DNMBP: variants seen among roughly 807,000 people sequenced by gnomAD.
DNMBP encodes the protein dynamin binding protein.
Under a neutral mutation model 150.0 loss-of-function variants are expected in DNMBP, and 87 were observed. The ratio of observed to expected loss-of-function variants is 0.58; its 90% CI spans 0.49 to 0.69. The LOEUF is 0.69. Among genes scored for constraint, DNMBP ranks in the 30% least tolerant of loss-of-function variants. The probability of loss-of-function intolerance (pLI) is 0.00; values close to 1 mark genes in which losing one functional copy is unlikely to be tolerated. For missense variants in DNMBP, 1,774 were observed against 1,949.0 expected (o/e 0.91, Z 1.69); for synonymous variants, 711 against 750.4 (o/e 0.95, Z 0.86).
chr10:99,882,431 AAAATT>A (rs1398385689), intron 15 of DNMBP, among the ~76,000 whole-genome samples: 1 of 152,194 alleles, frequency 6.6e-6, no homozygotes, highest in Non-Finnish European at 1.5e-5. Flanking sequence ...CTACTAAAAT[AAAATT>A]AACTGGGCAT....
chr10:99,929,381 G>A, intron 4 of DNMBP, among the ~76,000 whole-genome samples: 1 of 152,124 alleles, frequency 6.6e-6, no homozygotes, highest in East Asian at 1.9e-4. Context: ...GTTCCCATGA[G>A]AGCGCTATCC....
intron 4 of DNMBP, among the ~76,000 whole-genome samples, chr10:99,944,447 T>C (rs2040335823): frequency 6.6e-6 from 1 of 152,204 alleles, no homozygotes. Flanking sequence ...AACCTGAAAG[T>C]CTGAGAACTA....
At chr10:99,954,613 G>A (rs886449034) in intron 4 of DNMBP, among the ~76,000 whole-genome samples, 4 of 151,818 alleles carry the variant, frequency 2.6e-5, no homozygotes, top group Middle Eastern at 3.4e-3. Context: ...GCATGGTGGC[G>A]CTTGCCTGTA....
intron 1 of DNMBP, among the ~76,000 whole-genome samples, chr10:100,006,564 T>A (rs562284888): frequency 9.2e-5 from 14 of 152,180 alleles, no homozygotes; most frequent in African/African-American, 2.9e-4. Flanking sequence ...CATCATCAAC[T>A]TCACTGTTCA....
intron 4 of DNMBP, among the ~76,000 whole-genome samples, chr10:99,920,725 C>T (rs1028702380): frequency 3.9e-5 from 6 of 152,102 alleles, no homozygotes; most frequent in African/African-American, 1.2e-4. Flanking sequence ...GACAGAGTCT[C>T]GCTGTTGCCC....
At chr10:99,913,806 C>A (rs1371610507) in intron 4 of DNMBP, 4 of 782,632 alleles carry the variant, frequency 5.1e-6, no homozygotes, top group South Asian at 5.6e-5. Flanking sequence ...CAGAGCCATG[C>A]GCCCTTCCCT....
rs147752816 is a variant in DNMBP at position 99,879,974 on chromosome 10, G to A, written c.4385C>T (p.Thr1462Met). ...CCTGAAGTTCCGGTAGCTCCTCGGCGTGGCAGTGGGTTGCTTTACATCTCT... is the reference window on the plus strand; with the variant it reads ...CCTGAAGTTCCGGTAGCTCCTCGGCATGGCAGTGGGTTGCTTTACATCTCT... Reference protein sequence around the residue: ...VARDVKQPTATPRSYRNFRHP... With the variant: ...VARDVKQPTAMPRSYRNFRHP... The change falls in exon 16 of 17, where the codon ACG becomes ATG. Residue 1462 changes from threonine to methionine, a missense_variant. Thr to Met is a moderately conservative substitution (Grantham distance 81). Coordinates refer to ENST00000324109, the MANE Select transcript of DNMBP (RefSeq NM_015221.4). The A allele has an allele frequency of 1.8e-3, 2,941 of 1,614,202 alleles. 9 individuals carry two copies. Among genetic ancestry groups the A allele is most frequent in the Non-Finnish European group, 2.3e-3 (2,701 of 1,180,046 alleles).
intron 16 of DNMBP, among the ~76,000 whole-genome samples, chr10:99,879,179 CTG>C (rs1194218496): frequency 2.0e-5 from 3 of 149,166 alleles, no homozygotes; most frequent in Admixed American, 6.7e-5. Flanking sequence ...ATAGGAAAAA[CTG>C]GGGCTGGGCA....
chr10:99,921,498 C>G (rs1030803889), intron 4 of DNMBP, among the ~76,000 whole-genome samples: 1 of 152,112 alleles, frequency 6.6e-6, no homozygotes, highest in Non-Finnish European at 1.5e-5. Context: ...ACTGGACTGA[C>G]CTGTGTACTC....
intron 4 of DNMBP, among the ~76,000 whole-genome samples, chr10:99,949,259 A>G (rs2040394053): frequency 6.6e-6 from 1 of 152,206 alleles, no homozygotes; most frequent in African/African-American, 2.4e-5. Flanking sequence ...CTATGTATAG[A>G]ACATCATACC....
intron 15 of DNMBP, 92 bp downstream of exon 15, chr10:99,883,919 C>T (rs78615379): frequency 0.088 from 107,225 of 1,219,650 alleles, 6,826 homozygotes; most frequent in African/African-American, 0.31. Context: ...ATACTTTTTG[C>T]TTTTTTTTCC....
chr10:99,986,652 T>C (rs1273734551), intron 1 of DNMBP, among the ~76,000 whole-genome samples: 1 of 100,416 alleles, frequency 1.0e-5, no homozygotes, highest in African/African-American at 3.8e-5. Context: ...ATATGCAGGA[T>C]AATATTTAAT....
rs112624214 is a variant in DNMBP at position 99,994,046 on chromosome 10, G to C, written c.-11+15792C>G. Among the ~76,000 whole-genome samples, 281 of 152,256 alleles carry C rather than the reference G, an allele frequency of 1.8e-3. 1 individual carries two copies. Among genetic ancestry groups the C allele is most frequent in the African/African-American group, 5.8e-3 (239 of 41,544 alleles). ...TGTTTGATTAAGTGAACTTTCACTG[G>C]GTGGATGATGCTACATAAAAGAGCA... On this transcript the variant is annotated intron_variant, in intron 1 of 16. Transcript: ENST00000324109.
intron 1 of DNMBP, among the ~76,000 whole-genome samples, chr10:99,979,563 C>T (rs928197299): frequency 4.6e-5 from 7 of 152,108 alleles, no homozygotes; most frequent in Non-Finnish European, 8.8e-5. Context: ...GTTTAGTCCC[C>T]ACCAATTCCC....
At chr10:99,957,390 CAG>C (rs1564746192) in intron 3 of DNMBP, 185 bp from the exon 4 acceptor site, 4 of 629,048 alleles carry the variant, frequency 6.4e-6, no homozygotes, top group Non-Finnish European at 1.1e-5. Flanking sequence ...CTGTAGTTTT[CAG>C]AGTGTTCCAT....
intron 1 of DNMBP, among the ~76,000 whole-genome samples, chr10:99,982,094 C>A (rs1162849916): frequency 6.6e-6 from 1 of 152,098 alleles, no homozygotes; most frequent in Non-Finnish European, 1.5e-5. Context: ...TTCTGCTGGG[C>A]CCCTGAGTGA....
chr10:99,896,148 C>G, intron 10 of DNMBP, 119 bp downstream of exon 10: 3 of 1,199,010 alleles, frequency 2.5e-6, no homozygotes, highest in Admixed American at 2.4e-5. Context: ...TCCACCAGCT[C>G]GTAAAACCGG....
chr10:99,877,417 C>G (rs922127043), intron 16 of DNMBP, 81 bp from the exon 17 acceptor site: 1 of 1,121,198 alleles, frequency 8.9e-7, no homozygotes, highest in African/African-American at 1.6e-5. Flanking sequence ...GGGGAGGGTT[C>G]CACATCCACA....
At chr10:99,991,905 C>CA (rs71009797) in intron 1 of DNMBP, among the ~76,000 whole-genome samples, 6,079 of 104,974 alleles carry the variant, frequency 0.058, 146 homozygotes, top group South Asian at 0.11. Flanking sequence ...GACTCCACCT[C>CA]AAAAAAAAAA....
Sources: gnomAD v4.1 joint callset for allele counts (sites outside exome capture counted in the v4.1 genomes callset) on GRCh38, gnomAD v4.1.1 for gene constraint, MANE v1.5 for transcripts, NCBI Gene and HGNC (gene_info 2026-07-23, HGNC 2026-07-21) for gene names.